The following TENM4 variants were observed in gnomAD, a reference collection of about 807,000 sequenced individuals.
TENM4 encodes teneurin transmembrane protein 4, also known as teneurin-4.
In TENM4, 82 loss-of-function variants were observed where a neutral mutation model predicts 243.3. That is an observed-to-expected ratio of 0.34 (90% CI 0.28 to 0.40). The LOEUF (loss-of-function observed/expected upper bound fraction) is 0.40. TENM4 is among the 10% of genes least tolerant of loss of function. The pLI is 1.00. For missense variants in TENM4, 3,138 were observed against 3,673.3 expected (o/e 0.85, Z 3.77); for synonymous variants, 1,412 against 1,456.3 (o/e 0.97, Z 0.69).
chr11:78,734,642 G>A (rs541639736), intron 20 of TENM4, among the ~76,000 whole-genome samples: 2 of 152,154 alleles, frequency 1.3e-5, no homozygotes, highest in African/African-American at 4.8e-5. Flanking sequence ...TTTGTTGGAT[G>A]GAGAACTCCT....
chr11:78,859,687 G>T (rs1437580896), intron 10 of TENM4, among the ~76,000 whole-genome samples: 2 of 152,074 alleles, frequency 1.3e-5, no homozygotes, highest in Non-Finnish European at 2.9e-5. Flanking sequence ...GCAATAACTT[G>T]CATGAAGAAT....
chr11:79,267,260 T>C (rs1407159906), intron 2 of TENM4, among the ~76,000 whole-genome samples: 1 of 152,214 alleles, frequency 6.6e-6, no homozygotes, highest in Non-Finnish European at 1.5e-5. Context: ...ATACTTGGCC[T>C]ATTGCAAAGC....
chr11:78,893,850 A>G (rs1855727591), intron 7 of TENM4, among the ~76,000 whole-genome samples: 1 of 146,964 alleles, frequency 6.8e-6, no homozygotes, highest in African/African-American at 2.6e-5. Flanking sequence ...GCAATACCGG[A>G]GCAAGGGGCC....
intron 6 of TENM4, among the ~76,000 whole-genome samples, chr11:78,920,135 C>G (rs1282175260): frequency 2.0e-5 from 3 of 152,294 alleles, no homozygotes; most frequent in Admixed American, 6.5e-5. Context: ...ATCACTCTCT[C>G]AAACCTCATC....
At chr11:78,860,085 C>T (rs571134636) in intron 10 of TENM4, among the ~76,000 whole-genome samples, 17 of 152,324 alleles carry the variant, frequency 1.1e-4, no homozygotes, top group African/African-American at 3.8e-4. Flanking sequence ...GATTATCATA[C>T]ATTTAATTCA....
chr11:78,741,526 A>T (rs1025025070), intron 19 of TENM4, among the ~76,000 whole-genome samples: 6 of 152,244 alleles, frequency 3.9e-5, no homozygotes, highest in Admixed American at 2.0e-4. Context: ...GTAACATCAA[A>T]CATGGCAAAA....
chr11:78,854,835 G>C (rs998446067), intron 11 of TENM4, among the ~76,000 whole-genome samples: 6 of 152,290 alleles, frequency 3.9e-5, no homozygotes, highest in African/African-American at 1.2e-4. Flanking sequence ...TTTGGTCAAT[G>C]GTTCTTTCTG....
At chr11:79,234,312 T>G (rs1864424714) in intron 2 of TENM4, among the ~76,000 whole-genome samples, 1 of 152,192 alleles carries the variant, frequency 6.6e-6, no homozygotes, top group Admixed American at 6.5e-5. Context: ...CTGGGCACCC[T>G]GAAAGCTATA....
intron 1 of TENM4, among the ~76,000 whole-genome samples, chr11:79,350,015 G>T (rs993401917): frequency 6.6e-6 from 1 of 152,162 alleles, no homozygotes; most frequent in East Asian, 1.9e-4. Flanking sequence ...ACCTACTATC[G>T]CTTACTGTGT....
At chr11:79,422,622 T>C (rs183540673) in intron 1 of TENM4, among the ~76,000 whole-genome samples, 2 of 152,270 alleles carry the variant, frequency 1.3e-5, no homozygotes, top group Non-Finnish European at 2.9e-5. Context: ...AGAGGCCAGC[T>C]GAGAAAGAAA....
At chr11:78,761,767 GT>G (rs35891979) in intron 18 of TENM4, among the ~76,000 whole-genome samples, 43,948 of 151,782 alleles carry the variant, frequency 0.29, 8,572 homozygotes, top group African/African-American at 0.55. Context: ...AGTAGGCACT[GT>G]TTTTTTTAGT....
chr11:79,119,498 C>G (rs540777442), intron 4 of TENM4, among the ~76,000 whole-genome samples: 10 of 152,286 alleles, frequency 6.6e-5, no homozygotes, highest in Admixed American at 2.0e-4. Context: ...TCAGAACTGG[C>G]TTTGCTCTCC....
chr11:79,300,853 A>G lies in TENM4; in HGVS notation c.-320-3310T>C, dbSNP rs536388634. ...TGATTATTTTTAGCTTGCTTCCAGC[A>G]TGTCTAATCACAGAAAAGGGCACCA... On this transcript the variant is annotated intron_variant, in intron 1 of 33. Coordinates refer to ENST00000278550, the MANE Select transcript of TENM4 (RefSeq NM_001098816.3). Among the ~76,000 whole-genome samples the G allele has an allele frequency of 2.0e-5, 3 of 152,286 alleles. No homozygotes were observed. In the South Asian group the frequency reaches 6.2e-4, roughly 32 times the overall value.
intron 12 of TENM4, among the ~76,000 whole-genome samples, chr11:78,816,429 C>A (rs1187803439): frequency 6.6e-6 from 1 of 152,236 alleles, no homozygotes; most frequent in African/African-American, 2.4e-5. Flanking sequence ...GGGAACACTT[C>A]CCTGCCTCTA....
intron 12 of TENM4, among the ~76,000 whole-genome samples, chr11:78,850,992 G>A (rs993938073): frequency 6.6e-6 from 1 of 152,158 alleles, no homozygotes; most frequent in Non-Finnish European, 1.5e-5. Context: ...AGGATCCCCT[G>A]GGCTTCACCG....
At chr11:78,767,179 G>A (rs1856556179) in intron 18 of TENM4, among the ~76,000 whole-genome samples, 1 of 152,216 alleles carries the variant, frequency 6.6e-6, no homozygotes. Flanking sequence ...AAGCTCTAAT[G>A]TCGCCAAGAC....
chr11:78,707,771 G>C (rs1454350132), intron 27 of TENM4, among the ~76,000 whole-genome samples: 2 of 152,166 alleles, frequency 1.3e-5, no homozygotes. Flanking sequence ...TAGGAGTCGT[G>C]GATGCATTGT....
At chr11:78,942,588 G>A (rs144141807) in intron 6 of TENM4, among the ~76,000 whole-genome samples, 3 of 152,292 alleles carry the variant, frequency 2.0e-5, no homozygotes, top group Non-Finnish European at 2.9e-5. Flanking sequence ...TAGGGCAAAG[G>A]CTGACCGACC....
intron 6 of TENM4, among the ~76,000 whole-genome samples, chr11:78,942,825 A>T (rs1856931133): frequency 6.6e-6 from 1 of 151,980 alleles, no homozygotes; most frequent in African/African-American, 2.4e-5. Context: ...AAAAAAAAAA[A>T]AAAAAGGCTC....
Sources: allele counts gnomAD v4.1 joint callset (sites outside exome capture counted in the v4.1 genomes callset), GRCh38; gene constraint gnomAD v4.1.1; transcripts MANE v1.5; gene names NCBI Gene and HGNC (gene_info 2026-07-23, HGNC 2026-07-21).